Variants in HK2 observed in about 807,000 individuals in gnomAD.
The protein encoded by HK2 is hexokinase-2.
In HK2, 42 loss-of-function variants were observed where a neutral mutation model predicts 92.9. The ratio of observed to expected loss-of-function variants is 0.45; its 90% CI spans 0.35 to 0.58. The LOEUF is 0.58. Among genes scored for constraint, HK2 ranks in the 20% least tolerant of loss-of-function variants. The probability of loss-of-function intolerance (pLI) is 0.00; values close to 1 mark genes in which losing one functional copy is unlikely to be tolerated. For synonymous variants in HK2, 422 were observed against 468.0 expected (o/e 0.90, Z 1.27); for missense variants, 978 against 1,245.1 (o/e 0.79, Z 3.23).
chr2:74,869,291 A>C (rs1048514207), intron 3 of HK2, among the ~76,000 whole-genome samples: 2 of 152,338 alleles, frequency 1.3e-5, no homozygotes, highest in East Asian at 1.9e-4. Context: ...GTGTACCTAA[A>C]AGCAGCAGAA....
chr2:74,860,701 A>G (rs1444523475), intron 2 of HK2, among the ~76,000 whole-genome samples: 1 of 152,174 alleles, frequency 6.6e-6, no homozygotes, highest in African/African-American at 2.4e-5. Context: ...TATGAACATT[A>G]TTGCACAAGC....
chr2:74,880,241 C>T (rs1467257407), intron 9 of HK2, 24 bp from the exon 10 acceptor site: 4 of 1,613,818 alleles, frequency 2.5e-6, no homozygotes, highest in South Asian at 1.1e-5. Flanking sequence ...ACACCTGTCT[C>T]TTACCCGCCC....
rs1433233018 is a variant in HK2, at chr2:74,874,482, G to A, written c.875+33G>A. 2.6e-6 allele frequency: 4 copies of A among 1,561,556 alleles called. No individual in the cohort carries two copies. The African/African-American group carries it at 5.4e-5, about 21-fold the overall frequency. On this transcript the variant is annotated intron_variant, in intron 7 of 17. Coordinates refer to ENST00000290573, the MANE Select transcript of HK2 (RefSeq NM_000189.5). ...GGCCCTTCCTGTGCGAGTGGGCTTG[G>A]CGGGGGCCTGGAGCTGAGTCTGGGG...
rs1183655006 is a variant in HK2 at position 74,878,884 on chromosome 2, A to G, written c.1228A>G (p.Ile410Val). The G allele has an allele frequency of 3.2e-6, 5 of 1,551,648 alleles. No homozygotes were observed. Among genetic ancestry groups the G allele is most frequent in the East Asian group, 4.9e-5 (2 of 40,908 alleles). The change falls in exon 9 of 18, where the codon ATT becomes GTT. Residue 410 changes from isoleucine to valine, a missense_variant. Ile to Val is a conservative substitution (Grantham distance 29). Coordinates refer to ENST00000290573, the MANE Select transcript of HK2 (RefSeq NM_000189.5). ...NKGEERLRST[I>V]GVDGSVYKKH... ...AGGCGAGGAGCGGCTGCGCTCTACT[A>G]TTGGGGTCGACGGTTCCGTCTACAA...
At chr2:74,849,631 G>A (rs1228793982) in intron 1 of HK2, among the ~76,000 whole-genome samples, 3 of 152,200 alleles carry the variant, frequency 2.0e-5, no homozygotes, top group African/African-American at 7.2e-5. Flanking sequence ...ACTAAGGAGG[G>A]TTGAGAAATG....
intron 9 of HK2, among the ~76,000 whole-genome samples, chr2:74,879,526 C>A (rs1573386123): frequency 6.6e-6 from 1 of 152,162 alleles, no homozygotes; most frequent in South Asian, 2.1e-4. Context: ...CTCTTCCTAC[C>A]CAGTGTTGCA....
intron 2 of HK2, among the ~76,000 whole-genome samples, chr2:74,863,920 G>A (rs561492570): frequency 1.1e-4 from 16 of 152,284 alleles, no homozygotes; most frequent in East Asian, 9.6e-4. Flanking sequence ...CCAAGTTTAC[G>A]GCTGCATGCC....
At chr2:74,853,238 C>T (rs1194045952) in intron 1 of HK2, among the ~76,000 whole-genome samples, 2 of 151,972 alleles carry the variant, frequency 1.3e-5, no homozygotes, top group East Asian at 1.9e-4. Context: ...GAGGTGGGGC[C>T]GGGTGTGGTG....
At chr2:74,841,242 T>A (rs1688308476) in intron 1 of HK2, among the ~76,000 whole-genome samples, 1 of 151,914 alleles carries the variant, frequency 6.6e-6, no homozygotes, top group African/African-American at 2.4e-5. Flanking sequence ...TCTGGAGACA[T>A]TTTTGGTTGT....
intron 5 of HK2, 92 bp from the exon 6 acceptor site, chr2:74,873,746 AAGGAGG>A (rs112954107): frequency 3.5e-5 from 26 of 735,622 alleles, no homozygotes; most frequent in Middle Eastern, 6.2e-4. Context: ...AGAGAGAGAG[AAGGAGG>A]AGGAGGAGGA....
chr2:74,861,832 A>G (rs1688836090), intron 2 of HK2, among the ~76,000 whole-genome samples: 1 of 152,234 alleles, frequency 6.6e-6, no homozygotes, highest in South Asian at 2.1e-4. Flanking sequence ...GAAATGAAGT[A>G]ACTGTGGTGC....
intron 12 of HK2, among the ~76,000 whole-genome samples, chr2:74,883,751 C>T (rs1020843672): frequency 1.3e-5 from 2 of 152,166 alleles, no homozygotes; most frequent in Non-Finnish European, 2.9e-5. Flanking sequence ...TGCTTTATGC[C>T]TCATGTGGAC....
chr2:74,853,851 C>A (rs767853024), intron 1 of HK2, among the ~76,000 whole-genome samples: 1 of 152,014 alleles, frequency 6.6e-6, no homozygotes, highest in Non-Finnish European at 1.5e-5. Context: ...GAGGTAAAAG[C>A]GGAACTGGGG....
chr2:74,874,214 G>C, intron 6 of HK2, 52 bp from the exon 7 acceptor site: 1 of 1,607,046 alleles, frequency 6.2e-7, no homozygotes, highest in Non-Finnish European at 8.5e-7. Context: ...AGGGAAGAGG[G>C]GTGGGAAGGG....
rs773822413 is a variant in HK2, at chr2:74,885,582, G to A, written c.1928G>A (p.Arg643Gln). The part of the protein sequence containing the change: ...VVTLLKEAIH[R>Q]REEFDLDVVA... ...ACCCTGCTGAAGGAAGCGATCCACC[G>A]GCGAGAGGTAGGAGACACATGGCAC... The change falls in exon 13 of 18, where the codon CGG becomes CAG. Residue 643 changes from arginine (R) to glutamine (Q), a missense_variant. Arg to Gln is a conservative substitution (Grantham distance 43). Transcript: ENST00000290573. The A allele has an allele frequency of 9.3e-6, 15 of 1,610,422 alleles. No individual in the cohort carries two copies. The highest frequency in any genetic ancestry group is 5.5e-5 in the South Asian group (5 of 91,028).
intron 16 of HK2, 31 bp from the exon 17 acceptor site, chr2:74,889,214 C>G (rs763535556): frequency 1.9e-6 from 3 of 1,572,304 alleles, no homozygotes; most frequent in Admixed American, 1.7e-5. Context: ...TGGTGCATGA[C>G]TGAACACTTG....
chr2:74,835,847 A>G (rs1010064543), intron 1 of HK2, among the ~76,000 whole-genome samples: 11 of 152,202 alleles, frequency 7.2e-5, no homozygotes, highest in Non-Finnish European at 8.8e-5. Context: ...ATTTTTGGGA[A>G]AATGTCTTGC....
intron 2 of HK2, among the ~76,000 whole-genome samples, chr2:74,862,365 T>C (rs1688850614): frequency 6.6e-6 from 1 of 152,236 alleles, no homozygotes; most frequent in East Asian, 1.9e-4. Flanking sequence ...GGCCTAGCTG[T>C]TCAGCTCATT....
rs182128053 is a variant in HK2, at chr2:74,881,660, C to A, written c.1571-51C>A. 9.4e-6 allele frequency: 15 copies of A among 1,597,134 alleles called. No individual in the cohort carries two copies. In the East Asian group the frequency reaches 3.1e-4, roughly 33 times the overall value. On this transcript the variant is annotated intron_variant, in intron 10 of 17. Coordinates refer to ENST00000290573, the MANE Select transcript of HK2 (RefSeq NM_000189.5). ...GATCGTTTTAAGTGTACTGTCTCCA[C>A]ATTCCCCATGTTCTGCCCCAACTTA...
Sources: gnomAD v4.1 joint callset for allele counts (sites outside exome capture counted in the v4.1 genomes callset) on GRCh38, gnomAD v4.1.1 for gene constraint, MANE v1.5 for transcripts, NCBI Gene and HGNC (gene_info 2026-07-23, HGNC 2026-07-21) for gene names.